Variants in ANKRD11 observed in about 807,000 individuals in gnomAD.
ANKRD11 encodes ankyrin repeat domain 11, also known as ankyrin repeat domain-containing protein 11.
ANKRD11 carries 17 observed loss-of-function variants against 195.7 expected under a neutral mutation model. The observed-to-expected ratio is 0.09, with a 90% confidence interval of 0.06 to 0.13. The LOEUF is 0.13. ANKRD11 is among the 10% of genes least tolerant of loss of function. The probability of loss-of-function intolerance (pLI) is 1.00; values close to 1 mark genes in which losing one functional copy is unlikely to be tolerated. For missense variants in ANKRD11, 3,735 were observed against 3,566.1 expected (o/e 1.05, Z -1.21); for synonymous variants, 1,953 against 1,528.1 (o/e 1.28, Z -6.49).
chr16:89,273,376 G>A (rs2033351045), intron 11 of ANKRD11, among the ~76,000 whole-genome samples: 1 of 152,170 alleles, frequency 6.6e-6, no homozygotes, highest in African/African-American at 2.4e-5. Flanking sequence ...AGCCCCCAAA[G>A]CACCATTTGG....
chr16:89,446,791 A>G (rs1437529573), intron 1 of ANKRD11, among the ~76,000 whole-genome samples: 1 of 152,046 alleles, frequency 6.6e-6, no homozygotes, highest in South Asian at 2.1e-4. Context: ...CTTCTCACAC[A>G]CAGCCTCCCA....
chr16:89,375,144 A>G (rs1276781565), intron 2 of ANKRD11, among the ~76,000 whole-genome samples: 1 of 152,030 alleles, frequency 6.6e-6, no homozygotes, highest in Non-Finnish European at 1.5e-5. Flanking sequence ...GACATACCAC[A>G]CTGCACGCTG....
intron 1 of ANKRD11, among the ~76,000 whole-genome samples, chr16:89,449,219 C>G (rs2043950629): frequency 6.6e-6 from 1 of 150,890 alleles, no homozygotes; most frequent in Admixed American, 6.6e-5. Context: ...AATTTGCAGG[C>G]ATGAGGAATG....
At position 89,323,387 on chromosome 16, in the gene ANKRD11, G is replaced by A. The variant is rs1338692555; in HGVS notation, c.-59-6309C>T. 3.8e-5 allele frequency: 48 copies of A among 1,272,116 alleles called. No individual in the cohort carries two copies. The South Asian group carries it at 4.8e-4, about 13-fold the overall frequency. 78.8% of individuals were successfully genotyped at this position (1,272,116 alleles called of 1,614,324 possible). A position where few individuals can be genotyped will look rare whatever the true frequency, so the allele number is the denominator to read the frequency against. On this transcript the variant is annotated intron_variant, in intron 2 of 12. Coordinates refer to ENST00000301030, the MANE Select transcript of ANKRD11 (RefSeq NM_013275.6). Reference sequence around the variant, plus strand: ...CACCTCTCACCATCTCAGTGGGCAAGGGGAGAGCAAGCAGCCCAGGGCAGG... The same window carrying A: ...CACCTCTCACCATCTCAGTGGGCAAAGGGAGAGCAAGCAGCCCAGGGCAGG...
intron 2 of ANKRD11, among the ~76,000 whole-genome samples, chr16:89,341,901 C>CGAACAGCGG: frequency 7.5e-6 from 1 of 133,204 alleles, no homozygotes; most frequent in African/African-American, 3.6e-5. Flanking sequence ...TGCACCTCCA[C>CGAACAGCGG]CCACAGCGGC....
intron 1 of ANKRD11, among the ~76,000 whole-genome samples, chr16:89,427,846 T>G (rs2042784169): frequency 6.6e-6 from 1 of 152,100 alleles, no homozygotes; most frequent in African/African-American, 2.4e-5. Flanking sequence ...AAAATGATTA[T>G]TTTTAATTAT....
At chr16:89,309,648 C>T (rs558572338) in intron 3 of ANKRD11, among the ~76,000 whole-genome samples, 61 of 152,330 alleles carry the variant, frequency 4.0e-4, no homozygotes, top group Non-Finnish European at 6.9e-4. Flanking sequence ...ACCAGGAAGG[C>T]GGCTCCCATC....
Position 89,270,805 on chromosome 16 carries a change from C to T in ANKRD11, c.7806+12G>A, listed in dbSNP as rs768984565. ...TCCCCCAGGCAGAACTGAGGGGACG[C>T]GCAACACCGACCTTCATGCGGTCAT... On this transcript the variant is annotated intron_variant, in intron 12 of 12. Transcript: ENST00000301030. 6.8e-6 allele frequency: 11 copies of T among 1,612,426 alleles called. No homozygotes were observed. The Admixed American group carries it at 1.0e-4, about 15-fold the overall frequency.
At chr16:89,461,898 C>A (rs1315652204) in intron 1 of ANKRD11, among the ~76,000 whole-genome samples, 2 of 152,176 alleles carry the variant, frequency 1.3e-5, no homozygotes, top group Non-Finnish European at 2.9e-5. Context: ...CTGCCCTCTC[C>A]CCTCCTCTGG....
At chr16:89,353,385 G>C (rs2039313856) in intron 2 of ANKRD11, among the ~76,000 whole-genome samples, 1 of 151,816 alleles carries the variant, frequency 6.6e-6, no homozygotes, top group Non-Finnish European at 1.5e-5. Context: ...AGTAAACAAA[G>C]TTTCTATTTA....
chr16:89,405,331 T>C (rs1295310834), intron 2 of ANKRD11, among the ~76,000 whole-genome samples: 7 of 152,174 alleles, frequency 4.6e-5, no homozygotes, highest in Admixed American at 4.6e-4. Flanking sequence ...GTCACATAGG[T>C]AACTGTTTTT....
In ANKRD11 at chr16:89,291,880, G is replaced by T. The variant is rs192061548; in HGVS notation, c.227-697C>A. 22 of 733,708 alleles carry T rather than the reference G, an allele frequency of 3.0e-5. No individual in the cohort carries two copies. Among genetic ancestry groups the T allele is most frequent in the Non-Finnish European group, 3.5e-5 (17 of 484,698 alleles). 45.4% of individuals were successfully genotyped at this position (733,708 alleles called of 1,614,324 possible). Reference sequence around the variant, plus strand: ...AGCACACCCTGCACTCATCTGACCCGTTACAGAACACTCGGCTGGCGTCTA... The same window carrying T: ...AGCACACCCTGCACTCATCTGACCCTTTACAGAACACTCGGCTGGCGTCTA... On this transcript the variant is annotated intron_variant, in intron 4 of 12. Coordinates refer to ENST00000301030, the MANE Select transcript of ANKRD11 (RefSeq NM_013275.6). The surrounding 1 kb of genome is among the most constrained non-coding windows in gnomAD (Gnocchi z 5.3).
chr16:89,413,579 C>T lies in ANKRD11; in HGVS notation c.-60+4705G>A, dbSNP rs182169692. Among the ~76,000 whole-genome samples, 667 of 152,140 alleles carry T rather than the reference C, an allele frequency of 4.4e-3. 8 individuals are homozygous for T. The highest frequency in any genetic ancestry group is 0.015 in the African/African-American group (637 of 41,508). On this transcript the variant is annotated intron_variant, in intron 2 of 12. Coordinates refer to ENST00000301030, the MANE Select transcript of ANKRD11 (RefSeq NM_013275.6). ...GGCGGAGCTTGCAGTGAGCCGAGGT[C>T]GCACCACTGCACTCCAGCCTGGGCG...
chr16:89,274,983 G>A, intron 10 of ANKRD11, 26 bp from the exon 11 acceptor site: 2 of 1,612,808 alleles, frequency 1.2e-6, no homozygotes, highest in Non-Finnish European at 1.7e-6. Flanking sequence ...AGTAGAGTGA[G>A]CTGGGACACA....
chr16:89,436,101 T>C (rs950945445), intron 1 of ANKRD11, among the ~76,000 whole-genome samples: 2 of 152,126 alleles, frequency 1.3e-5, no homozygotes, highest in African/African-American at 4.8e-5. Context: ...GAAAGTAGAC[T>C]AAAATTTTCT....
At chr16:89,414,494 T>A (rs1344839706) in intron 2 of ANKRD11, among the ~76,000 whole-genome samples, 2 of 152,240 alleles carry the variant, frequency 1.3e-5, no homozygotes, top group African/African-American at 4.8e-5. Flanking sequence ...ACTACTTTTA[T>A]ACTGGAGAAA....
chr16:89,300,713 G>C (rs967550212), intron 4 of ANKRD11: 1 of 539,536 alleles, frequency 1.9e-6, no homozygotes, highest in South Asian at 2.4e-5. Context: ...ATGACGTCAG[G>C]AAAAGACTGA....
At chr16:89,277,317 G>C (rs760982780) in intron 9 of ANKRD11, among the ~76,000 whole-genome samples, 1 of 152,214 alleles carries the variant, frequency 6.6e-6, no homozygotes, top group African/African-American at 2.4e-5. Context: ...TACAGCAGGA[G>C]CTGTGCCTTG....
At chr16:89,405,425 G>A (rs1369652614) in intron 2 of ANKRD11, among the ~76,000 whole-genome samples, 4 of 151,834 alleles carry the variant, frequency 2.6e-5, no homozygotes, top group Non-Finnish European at 5.9e-5. Context: ...CTGGGCTCAG[G>A]CGATCCTCCC....
Sources: gnomAD v4.1 joint callset for allele counts (sites outside exome capture counted in the v4.1 genomes callset) on GRCh38, gnomAD v4.1.1 for gene constraint, Gnocchi (gnomAD v3.1) non-coding constraint, MANE v1.5 for transcripts, NCBI Gene and HGNC (gene_info 2026-07-23, HGNC 2026-07-21) for gene names.